Variants in SLIT3 observed in about 807,000 individuals in gnomAD.
SLIT3 encodes slit guidance ligand 3, also known as slit homolog 3 protein.
A neutral mutation model predicts 184.0 loss-of-function variants in SLIT3; 68 were observed. That is an observed-to-expected ratio of 0.37 (90% CI 0.30 to 0.45). The LOEUF is 0.45. Among genes scored for constraint, SLIT3 ranks in the 20% least tolerant of loss-of-function variants. The probability of loss-of-function intolerance (pLI) is 1.00; values close to 1 mark genes in which losing one functional copy is unlikely to be tolerated. For missense variants in SLIT3, 1,707 were observed against 2,026.0 expected, an observed-to-expected ratio of 0.84 and a Z score of 3.02; for synonymous variants, 831 against 828.6, an observed-to-expected ratio of 1.00 and a Z score of -0.05.
At chr5:169,286,744 C>T (rs932796250) in intron 1 of SLIT3, among the ~76,000 whole-genome samples, 1 of 152,208 alleles carries the variant, frequency 6.6e-6, no homozygotes, top group Non-Finnish European at 1.5e-5. Flanking sequence ...ATTTTCCCCC[C>T]ACACAACTAC....
intron 4 of SLIT3, among the ~76,000 whole-genome samples, chr5:169,071,761 C>T (rs1326615008): frequency 6.6e-6 from 1 of 152,164 alleles, no homozygotes; most frequent in Admixed American, 6.5e-5. Context: ...TCTTGAGTTA[C>T]CACAATGACT....
intron 17 of SLIT3, 70 bp downstream of exon 17, chr5:168,753,794 T>A (rs963496694): frequency 3.6e-5 from 56 of 1,550,984 alleles, no homozygotes; most frequent in Non-Finnish European, 4.8e-5. Flanking sequence ...GCCTTCGTAG[T>A]CTGTCTCTAA....
intron 4 of SLIT3, among the ~76,000 whole-genome samples, chr5:168,987,724 T>A (rs1321257112): frequency 6.6e-6 from 1 of 152,264 alleles, no homozygotes; most frequent in Non-Finnish European, 1.5e-5. Flanking sequence ...TGTGGTTACC[T>A]GTACTTTCCC....
chr5:168,948,817 G>A (rs948378181), intron 4 of SLIT3, among the ~76,000 whole-genome samples: 1 of 152,192 alleles, frequency 6.6e-6, no homozygotes, highest in African/African-American at 2.4e-5. Context: ...ACATCTGTGA[G>A]CACCGCAGGG....
chr5:168,852,564 C>G (rs1758718377), intron 5 of SLIT3, among the ~76,000 whole-genome samples: 1 of 152,240 alleles, frequency 6.6e-6, no homozygotes, highest in South Asian at 2.1e-4. Flanking sequence ...GGAGTGCTCC[C>G]TGACAGTGCA....
chr5:168,687,958 C>T (rs1012541418), intron 29 of SLIT3, among the ~76,000 whole-genome samples: 4 of 152,204 alleles, frequency 2.6e-5, no homozygotes, highest in Admixed American at 6.5e-5. Flanking sequence ...GTCAGCAATT[C>T]CATTATTGCC....
At chr5:169,076,944 A>ACACACACG (rs1285493819) in intron 4 of SLIT3, among the ~76,000 whole-genome samples, 2 of 151,996 alleles carry the variant, frequency 1.3e-5, no homozygotes, top group Non-Finnish European at 2.9e-5. Flanking sequence ...TCTCTCTCAT[A>ACACACACG]CACACACGCA....
chr5:168,930,052 C>T (rs1166564025), intron 4 of SLIT3, among the ~76,000 whole-genome samples: 1 of 152,220 alleles, frequency 6.6e-6, no homozygotes, highest in Non-Finnish European at 1.5e-5. Flanking sequence ...AGGTGAGGTC[C>T]TAGTCAGTGT....
At chr5:169,286,000 A>T (rs1310229759) in intron 1 of SLIT3, among the ~76,000 whole-genome samples, 1 of 152,212 alleles carries the variant, frequency 6.6e-6, no homozygotes, top group Non-Finnish European at 1.5e-5. Flanking sequence ...GTGGATTGTT[A>T]AGCAGCAAAA....
intron 4 of SLIT3, among the ~76,000 whole-genome samples, chr5:169,025,212 G>C (rs1242030205): frequency 6.6e-6 from 1 of 152,120 alleles, no homozygotes; most frequent in Non-Finnish European, 1.5e-5. Context: ...AATATATCTT[G>C]AATCCATCTG....
chr5:168,999,025 C>T (rs1184366356), intron 4 of SLIT3, among the ~76,000 whole-genome samples: 2 of 151,956 alleles, frequency 1.3e-5, no homozygotes, highest in African/African-American at 2.4e-5. Flanking sequence ...GTGATTATCC[C>T]ACCTCAGCCT....
At chr5:168,997,165 T>A (rs1347598188) in intron 4 of SLIT3, among the ~76,000 whole-genome samples, 5 of 152,070 alleles carry the variant, frequency 3.3e-5, no homozygotes, top group Admixed American at 3.3e-4. Flanking sequence ...GCGACACCTG[T>A]ACCTTCCCAG....
At chr5:169,129,046 A>G (rs964655017) in intron 4 of SLIT3, among the ~76,000 whole-genome samples, 4 of 152,164 alleles carry the variant, frequency 2.6e-5, no homozygotes, top group Admixed American at 2.0e-4. Flanking sequence ...TGGACACGGC[A>G]GGGGAGCGGG....
At chr5:168,812,458 T>C (rs968352620) in intron 8 of SLIT3, among the ~76,000 whole-genome samples, 1 of 152,202 alleles carries the variant, frequency 6.6e-6, no homozygotes, top group African/African-American at 2.4e-5. Flanking sequence ...CTGTACACTA[T>C]CAGTATGTTC....
At chr5:169,253,286 G>C (rs1034593847) in intron 1 of SLIT3, among the ~76,000 whole-genome samples, 3 of 152,136 alleles carry the variant, frequency 2.0e-5, no homozygotes, top group African/African-American at 7.2e-5. Context: ...TAATTACCAG[G>C]ACACAGCATG....
chr5:168,680,909 G>A (rs187296427), intron 32 of SLIT3, among the ~76,000 whole-genome samples: 251 of 152,024 alleles, frequency 1.7e-3, no homozygotes, highest in African/African-American at 6.0e-3. Context: ...CCAGCACTTT[G>A]CGAGGCCAAG....
chr5:169,048,267 A>C (rs997163232), intron 4 of SLIT3, among the ~76,000 whole-genome samples: 1 of 152,204 alleles, frequency 6.6e-6, no homozygotes, highest in Non-Finnish European at 1.5e-5. Context: ...TTAAACGGAG[A>C]ATCATAAGCT....
intron 3 of SLIT3, among the ~76,000 whole-genome samples, chr5:169,231,291 G>A (rs1200485464): frequency 6.6e-6 from 1 of 152,178 alleles, no homozygotes; most frequent in African/African-American, 2.4e-5. Context: ...CAACTGAACA[G>A]ATCCATGAAA....
At chr5:169,135,586 G>T (rs975688922) in intron 4 of SLIT3, among the ~76,000 whole-genome samples, 2 of 152,128 alleles carry the variant, frequency 1.3e-5, no homozygotes, top group African/African-American at 4.8e-5. Flanking sequence ...TGGTAGTGAG[G>T]ACAAGTATTG....
Sources: gnomAD v4.1 joint callset for allele counts (sites outside exome capture counted in the v4.1 genomes callset) on GRCh38, gnomAD v4.1.1 for gene constraint, MANE v1.5 for transcripts, NCBI Gene and HGNC (gene_info 2026-07-23, HGNC 2026-07-21) for gene names.